The following SUSD6 variants were observed in gnomAD, a reference collection of about 807,000 sequenced individuals.
SUSD6 encodes the protein sushi domain-containing protein 6.
A neutral mutation model predicts 28.4 loss-of-function variants in SUSD6; 16 were observed. That is an observed-to-expected ratio of 0.56 (90% confidence interval 0.38 to 0.86). The LOEUF (loss-of-function observed/expected upper bound fraction) is 0.86. Ranked by LOEUF, SUSD6 falls within the 40% of genes least tolerant of loss-of-function variation. SUSD6 has a pLI of 0.00. For synonymous variants in SUSD6, 147 were observed against 159.6 expected (o/e 0.92, Z 0.59); for missense variants, 341 against 384.2 (o/e 0.89, Z 0.94).
intron 1 of SUSD6, among the ~76,000 whole-genome samples, chr14:69,619,938 TGCAGC>T (rs1885013328): frequency 6.6e-6 from 1 of 152,190 alleles, no homozygotes; most frequent in East Asian, 1.9e-4. Flanking sequence ...CCCACCTAAA[TGCAGC>T]GTGAACACAC....
At chr14:69,616,655 G>T (rs1333999890) in intron 1 of SUSD6, among the ~76,000 whole-genome samples, 1 of 152,090 alleles carries the variant, frequency 6.6e-6, no homozygotes, top group Non-Finnish European at 1.5e-5. Flanking sequence ...ATGTTTTTTG[G>T]TGGGGAGGCA....
chr14:69,641,727 T>A (rs1885355534), intron 1 of SUSD6, among the ~76,000 whole-genome samples: 1 of 152,034 alleles, frequency 6.6e-6, no homozygotes, highest in Non-Finnish European at 1.5e-5. Context: ...GTAGCTGAGA[T>A]TACAGGTGCA....
chr14:69,680,040 C>G (rs1352321901), intron 2 of SUSD6, among the ~76,000 whole-genome samples: 5 of 152,142 alleles, frequency 3.3e-5, no homozygotes, highest in Admixed American at 3.3e-4. Flanking sequence ...CTTCAGATCC[C>G]TTTTGTTCAA....
At chr14:69,660,442 C>T (rs1283881683) in intron 2 of SUSD6, among the ~76,000 whole-genome samples, 1 of 152,180 alleles carries the variant, frequency 6.6e-6, no homozygotes, top group Non-Finnish European at 1.5e-5. Flanking sequence ...TGATTGGGAC[C>T]CCACAATGTG....
At chr14:69,708,441 G>T (rs938168193) in intron 4 of SUSD6, among the ~76,000 whole-genome samples, 1 of 152,282 alleles carries the variant, frequency 6.6e-6, no homozygotes, top group East Asian at 1.9e-4. Context: ...TTTACCAGCT[G>T]TGTGATTGAG....
intron 2 of SUSD6, among the ~76,000 whole-genome samples, chr14:69,686,425 G>T (rs918416018): frequency 6.6e-6 from 1 of 152,222 alleles, no homozygotes; most frequent in Admixed American, 6.5e-5. Context: ...TGTAAGAGTC[G>T]TGCAAAAACA....
intron 1 of SUSD6, among the ~76,000 whole-genome samples, chr14:69,628,911 T>A (rs1885154953): frequency 1.3e-5 from 2 of 152,070 alleles, no homozygotes; most frequent in South Asian, 4.2e-4. Context: ...TTTGCCATGT[T>A]ACCCAGGCTG....
intron 1 of SUSD6, among the ~76,000 whole-genome samples, chr14:69,655,442 T>C (rs1287105615): frequency 1.3e-5 from 2 of 152,026 alleles, no homozygotes; most frequent in African/African-American, 4.8e-5. Flanking sequence ...TAAGTCAGAG[T>C]ATATGTGCAT....
At chr14:69,677,761 C>CCTAG (rs2139628570) in intron 2 of SUSD6, among the ~76,000 whole-genome samples, 1 of 152,086 alleles carries the variant, frequency 6.6e-6, no homozygotes, top group South Asian at 2.1e-4. Context: ...CCATATGGTA[C>CCTAG]CTAGGGTGGT....
At chr14:69,647,545 T>A (rs576298930) in intron 1 of SUSD6, among the ~76,000 whole-genome samples, 2 of 152,124 alleles carry the variant, frequency 1.3e-5, no homozygotes, top group Non-Finnish European at 2.9e-5. Flanking sequence ...TTTCACTCAC[T>A]AATGGATGTC....
intron 2 of SUSD6, among the ~76,000 whole-genome samples, chr14:69,666,675 T>C (rs1885746355): frequency 6.6e-6 from 1 of 152,208 alleles, no homozygotes; most frequent in African/African-American, 2.4e-5. Flanking sequence ...GTGATGGAGA[T>C]TTTTTTCTTG....
intron 1 of SUSD6, among the ~76,000 whole-genome samples, chr14:69,656,904 A>G (rs913485643): frequency 1.3e-5 from 2 of 152,208 alleles, no homozygotes; most frequent in Admixed American, 6.5e-5. Flanking sequence ...TCCATCCCAG[A>G]CCTCTGCATG....
chr14:69,683,076 G>C (rs1389125769), intron 2 of SUSD6, among the ~76,000 whole-genome samples: 1 of 150,532 alleles, frequency 6.6e-6, no homozygotes, highest in Non-Finnish European at 1.5e-5. Flanking sequence ...GAGCTCTGGA[G>C]CCTGAAGGGG....
At chr14:69,687,438 G>A (rs1479278544) in intron 2 of SUSD6, among the ~76,000 whole-genome samples, 2 of 152,156 alleles carry the variant, frequency 1.3e-5, no homozygotes, top group Non-Finnish European at 2.9e-5. Context: ...CTGTCAGATG[G>A]GCTTTTATTT....
chr14:69,655,363 A>G (rs1359647237), intron 1 of SUSD6, among the ~76,000 whole-genome samples: 1 of 152,200 alleles, frequency 6.6e-6, no homozygotes. Context: ...TGCCTTTACA[A>G]ACAATACATG....
intron 1 of SUSD6, among the ~76,000 whole-genome samples, chr14:69,657,609 G>A (rs1446462614): frequency 2.6e-5 from 4 of 152,072 alleles, no homozygotes; most frequent in African/African-American, 9.7e-5. Context: ...AAAAAGAAGT[G>A]TAATATTATA....
chr14:69,689,415 T>C (rs1216979872), intron 2 of SUSD6, among the ~76,000 whole-genome samples: 1 of 152,168 alleles, frequency 6.6e-6, no homozygotes, highest in Non-Finnish European at 1.5e-5. Context: ...AATGGGTAAA[T>C]ATAATCCTTA....
chr14:69,625,362 C>A (rs1308394930), intron 1 of SUSD6, among the ~76,000 whole-genome samples: 1 of 152,200 alleles, frequency 6.6e-6, no homozygotes, highest in African/African-American at 2.4e-5. Context: ...GTAACTTTAC[C>A]TACTTTAAAG....
At chr14:69,701,682 G>T (rs1886314753) in intron 2 of SUSD6, among the ~76,000 whole-genome samples, 1 of 152,164 alleles carries the variant, frequency 6.6e-6, no homozygotes, top group East Asian at 1.9e-4. Context: ...ATAGGGACAA[G>T]TTGGGTCCTT....
Sources: allele counts gnomAD v4.1 joint callset (sites outside exome capture counted in the v4.1 genomes callset), GRCh38; gene constraint gnomAD v4.1.1; transcripts MANE v1.5; gene names NCBI Gene and HGNC (gene_info 2026-07-23, HGNC 2026-07-21).